Variants in GRM5 observed in about 807,000 individuals in gnomAD.
GRM5 encodes the protein metabotropic glutamate receptor 5.
In GRM5, 19 loss-of-function variants were observed where a neutral mutation model predicts 83.1. The ratio of observed to expected loss-of-function variants is 0.23; its 90% confidence interval spans 0.16 to 0.34. The LOEUF (loss-of-function observed/expected upper bound fraction) is 0.34, where lower values mean the gene tolerates loss of function less well. Among genes scored for constraint, GRM5 ranks in the 10% least tolerant of loss-of-function variants. The probability of loss-of-function intolerance (pLI) is 1.00; values close to 1 mark genes in which losing one functional copy is unlikely to be tolerated. For missense variants in GRM5, 1,160 were observed against 1,588.3 expected (o/e 0.73, Z 4.58); for synonymous variants, 675 against 633.6 (o/e 1.07, Z -0.98).
At position 88,637,500 on chromosome 11, in the gene GRM5, C is replaced by T. The variant is rs200937613; in HGVS notation, c.1147+15668G>A. On this transcript the variant is annotated intron_variant, in intron 4 of 9. Transcript: ENST00000305447. ...CCATCAAAAAGTGGGTGAAGGACAT[C>T]AACAGACACTTCTCAAAAGAAGACA... Among the ~76,000 whole-genome samples the T allele has an allele frequency of 4.0e-5, 6 of 151,594 alleles. No individual in the cohort carries two copies. In the East Asian group the frequency reaches 1.2e-3, roughly 29 times the overall value.
At chr11:88,544,082 C>A (rs7928034) in intron 8 of GRM5, among the ~76,000 whole-genome samples, 1 of 152,106 alleles carries the variant, frequency 6.6e-6, no homozygotes. Flanking sequence ...CTCTCACACA[C>A]ACACATACAC....
intron 2 of GRM5, among the ~76,000 whole-genome samples, chr11:88,885,609 A>C (rs908441495): frequency 2.0e-5 from 3 of 151,850 alleles, no homozygotes; most frequent in Non-Finnish European, 4.4e-5. Context: ...TATATAAATA[A>C]GGTTTCCACA....
At chr11:88,566,922 C>T (rs1942888482) in intron 8 of GRM5, 131 bp downstream of exon 8, 5 of 622,564 alleles carry the variant, frequency 8.0e-6, no homozygotes, top group African/African-American at 3.7e-5. Context: ...ATGAGAAGGT[C>T]CATGCCGTAA....
intron 3 of GRM5, among the ~76,000 whole-genome samples, chr11:88,811,842 C>T (rs1390644987): frequency 1.3e-5 from 2 of 152,054 alleles, no homozygotes; most frequent in African/African-American, 4.8e-5. Flanking sequence ...CCAGGGGTAC[C>T]ATGCGCCAAC....
intron 2 of GRM5, among the ~76,000 whole-genome samples, chr11:89,021,182 G>A (rs1478856444): frequency 6.6e-6 from 1 of 152,112 alleles, no homozygotes; most frequent in Non-Finnish European, 1.5e-5. Flanking sequence ...GATATTTGGA[G>A]TCCTAGAAAA....
At chr11:88,649,169 G>A (rs572743811) in intron 4 of GRM5, among the ~76,000 whole-genome samples, 1 of 130,848 alleles carries the variant, frequency 7.6e-6, no homozygotes, top group South Asian at 2.3e-4. Context: ...ACATACATGT[G>A]TATGTATATA....
chr11:88,897,528 G>A (rs1175078558), intron 2 of GRM5, among the ~76,000 whole-genome samples: 2 of 151,860 alleles, frequency 1.3e-5, no homozygotes, highest in Non-Finnish European at 2.9e-5. Context: ...ACATCAGCAA[G>A]TTACTGATGG....
chr11:88,908,446 T>C (rs938285842), intron 2 of GRM5, among the ~76,000 whole-genome samples: 41 of 152,150 alleles, frequency 2.7e-4, no homozygotes, highest in African/African-American at 9.9e-4. Context: ...TGCTAGGAGT[T>C]TCTTTCCTCT....
chr11:88,955,819 T>C (rs1367289758), intron 2 of GRM5, among the ~76,000 whole-genome samples: 1 of 152,230 alleles, frequency 6.6e-6, no homozygotes, highest in Non-Finnish European at 1.5e-5. Flanking sequence ...CCTTGTTCAG[T>C]ATTTTCTTAG....
At chr11:88,978,473 TTAAAAAAAAAAAAAAAAAAAA>T (rs1939410158) in intron 2 of GRM5, among the ~76,000 whole-genome samples, 1 of 56,818 alleles carries the variant, frequency 1.8e-5, no homozygotes, top group African/African-American at 6.6e-5. Flanking sequence ...GCAGATGAGC[TTAAAAAAAAAAAAAAAAAAAA>T]AAAAAAAAAA....
chr11:89,018,697 G>C (rs1409824484), intron 2 of GRM5, among the ~76,000 whole-genome samples: 1 of 152,132 alleles, frequency 6.6e-6, no homozygotes, highest in African/African-American at 2.4e-5. Context: ...GGTGATGGGG[G>C]ATAGTGGGAA....
chr11:88,533,700 T>G (rs1435208106), intron 8 of GRM5, among the ~76,000 whole-genome samples: 1 of 152,124 alleles, frequency 6.6e-6, no homozygotes, highest in Non-Finnish European at 1.5e-5. Context: ...GAAAATTAAA[T>G]TATAAATTTC....
intron 2 of GRM5, among the ~76,000 whole-genome samples, chr11:88,987,969 G>A (rs552618567): frequency 0.014 from 2,072 of 151,164 alleles, 69 homozygotes; most frequent in African/African-American, 0.048. Flanking sequence ...TCCTCCAAAG[G>A]AATGCAGTTC....
intron 4 of GRM5, 148 bp downstream of exon 4, chr11:88,653,020 C>G: frequency 1.7e-6 from 1 of 598,130 alleles, no homozygotes. Flanking sequence ...AGACTAAAAC[C>G]TGTTTATCAC....
chr11:88,777,801 T>C (rs533555127), intron 3 of GRM5, among the ~76,000 whole-genome samples: 49 of 152,254 alleles, frequency 3.2e-4, no homozygotes, highest in African/African-American at 1.2e-3. Context: ...ACAGCAAATA[T>C]TGCTGCCTGA....
chr11:88,737,044 T>TAGGAAGAAGGAGGTCACTAG (rs1331588173), intron 3 of GRM5, among the ~76,000 whole-genome samples: 17 of 152,018 alleles, frequency 1.1e-4, no homozygotes, highest in Admixed American at 2.0e-4. Flanking sequence ...AATCTAGGAT[T>TAGGAAGAAGGAGGTCACTAG]AGGAAGAAGG....
chr11:88,593,761 C>T (rs1937713042), intron 6 of GRM5, among the ~76,000 whole-genome samples: 3 of 97,070 alleles, frequency 3.1e-5, no homozygotes, highest in Non-Finnish European at 7.1e-5. Flanking sequence ...TCCCTCCCTC[C>T]TTCTCTCTCT....
chr11:88,821,744 A>G (rs1416485939), intron 3 of GRM5, among the ~76,000 whole-genome samples: 4 of 152,166 alleles, frequency 2.6e-5, no homozygotes, highest in Non-Finnish European at 5.9e-5. Flanking sequence ...TGGAAAATAA[A>G]TCACTTCAAA....
intron 2 of GRM5, among the ~76,000 whole-genome samples, chr11:88,991,879 C>G (rs1487402059): frequency 1.3e-5 from 2 of 152,084 alleles, no homozygotes; most frequent in Non-Finnish European, 2.9e-5. Context: ...GGATTAAAGA[C>G]TTAAACGTTA....
Sources: gnomAD v4.1 joint callset for allele counts (sites outside exome capture counted in the v4.1 genomes callset) on GRCh38, gnomAD v4.1.1 for gene constraint, MANE v1.5 for transcripts, NCBI Gene and HGNC (gene_info 2026-07-23, HGNC 2026-07-21) for gene names.